ITGA6: variants seen among roughly 807,000 people sequenced by gnomAD.
ITGA6 encodes integrin subunit alpha 6, also known as integrin alpha-6.
Under a neutral mutation model 133.6 loss-of-function variants are expected in ITGA6, and 63 were observed. The ratio of observed to expected loss-of-function variants is 0.47; its 90% CI spans 0.38 to 0.58. The LOEUF is 0.58. ITGA6 is among the 20% of genes least tolerant of loss of function. The pLI is 0.00. For missense variants in ITGA6, 1,068 were observed against 1,309.4 expected, an observed-to-expected ratio of 0.82 and a Z score of 2.85; for synonymous variants, 434 against 482.0, an observed-to-expected ratio of 0.90 and a Z score of 1.30.
chr2:172,476,439 A>C lies in ITGA6; in HGVS notation c.1314A>C (p.Gly438=), dbSNP rs1281771098. 8.7e-6 allele frequency: 14 copies of C among 1,612,992 alleles called. No homozygotes were observed. Among genetic ancestry groups the C allele is most frequent in the Non-Finnish European group, 1.2e-5 (14 of 1,179,066 alleles). ...CTTATTTTGGATATTCAATTGCTGGAAACATGGACCTTGATCGAAATTCCT... is the reference window on the plus strand; with the variant it reads ...CTTATTTTGGATATTCAATTGCTGGCAACATGGACCTTGATCGAAATTCCT... ...ISPYFGYSIA[G]NMDLDRNSYP... Residue 438 remains glycine (G), a synonymous_variant, in exon 9 of 26, where the codon GGA becomes GGC. Coordinates refer to ENST00000684293, the MANE Select transcript of ITGA6 (RefSeq NM_000210.4).
chr2:172,429,262 A>G lies in ITGA6; in HGVS notation c.182+1292A>G, dbSNP rs1224602068. Among the ~76,000 whole-genome samples the G allele has an allele frequency of 2.0e-5, 3 of 152,094 alleles. No homozygotes were observed. In the East Asian group the frequency reaches 5.8e-4, roughly 30 times the overall value. On this transcript the variant is annotated intron_variant, in intron 1 of 25. Transcript: ENST00000684293. ...GGCTCTAGGAGGGTGGTCTGAGGCT[A>G]TATGCCTGGCCAGCTGCTTATACTC...
chr2:172,493,836 G>A (rs1486989956), intron 23 of ITGA6, among the ~76,000 whole-genome samples: 1 of 152,192 alleles, frequency 6.6e-6, no homozygotes. Flanking sequence ...GAAGATGATG[G>A]AACTCTGGGG....
intron 1 of ITGA6, among the ~76,000 whole-genome samples, chr2:172,446,922 G>T (rs1298437454): frequency 6.6e-6 from 1 of 152,152 alleles, no homozygotes; most frequent in Non-Finnish European, 1.5e-5. Flanking sequence ...TTTTGAGACA[G>T]AGTCTCACTC....
chr2:172,488,626 A>G (rs953597661), intron 19 of ITGA6, among the ~76,000 whole-genome samples: 5 of 152,216 alleles, frequency 3.3e-5, no homozygotes. Flanking sequence ...ATTTCAAAGT[A>G]GGCAATCACA....
intron 24 of ITGA6, among the ~76,000 whole-genome samples, chr2:172,500,930 A>C (rs1272134307): frequency 9.2e-5 from 14 of 152,212 alleles, no homozygotes. Context: ...GTACAAAGTG[A>C]ATCTAGGCTT....
At chr2:172,496,102 A>G (rs1045632638) in intron 23 of ITGA6, among the ~76,000 whole-genome samples, 1 of 152,194 alleles carries the variant, frequency 6.6e-6, no homozygotes, top group Non-Finnish European at 1.5e-5. Context: ...GAAATCATCT[A>G]TTTGGTTTGT....
At position 172,470,106 on chromosome 2, in the gene ITGA6, A is replaced by G. The variant is rs187565619; in HGVS notation, c.643+726A>G. 9.8e-5 allele frequency among the ~76,000 whole-genome samples: 15 copies of G among 152,336 alleles called. No individual in the cohort carries two copies. The East Asian group carries it at 2.7e-3, about 27-fold the overall frequency. On this transcript the variant is annotated intron_variant, in intron 4 of 25. Transcript: ENST00000684293. ...AGCCATTTTTGAGAAATGTATTAAT[A>G]ATAAGTCACATAACACTTTCACTCA...
chr2:172,506,000 G>A lies in ITGA6; in HGVS notation c.*1932G>A, dbSNP rs942029611. On this transcript the variant is annotated 3_prime_UTR_variant, in exon 26 of 26. Coordinates refer to ENST00000684293, the MANE Select transcript of ITGA6 (RefSeq NM_000210.4). ...ATGTCCTGAAAAGGGTGTTGGGAGG[G>A]TGGTTCAACAAAGAAACAAAGATGT... 3.9e-5 allele frequency: 6 copies of A among 152,324 alleles called. No homozygotes were observed. The highest frequency in any genetic ancestry group is 3.9e-4 in the Admixed American group (6 of 15,274). 9.4% of individuals were successfully genotyped at this position (152,324 alleles called of 1,614,324 possible). A position where few individuals can be genotyped will look rare whatever the true frequency, so the allele number is the denominator to read the frequency against.
intron 10 of ITGA6, 40 bp downstream of exon 10, chr2:172,479,779 C>T (rs750587542): frequency 6.5e-7 from 1 of 1,531,274 alleles, no homozygotes; most frequent in South Asian, 1.1e-5. Context: ...CCCTCAGTTT[C>T]CCACCTCCAC....
chr2:172,487,560 G>A lies in ITGA6; in HGVS notation c.2174G>A (p.Ser725Asn), dbSNP rs1419881953. Residue 725 changes from serine to asparagine, a missense_variant, in exon 16 of 26, where the codon AGT (serine) becomes AAT (asparagine). Ser to Asn is a conservative substitution (Grantham distance 46, BLOSUM62 1). Transcript: ENST00000684293. ...ELRAFPEKQL[S>N]CVANQNGSQA... ...TTTCTTTTACAGGAGAAACAGTTGA[G>A]TTGTGTTGCCAACCAGAATGGCTCG... 8 of 1,614,040 alleles carry A rather than the reference G, an allele frequency of 5.0e-6. No individual in the cohort carries two copies. The South Asian group carries it at 8.8e-5, about 18-fold the overall frequency.
chr2:172,428,537 A>G (rs1683968483), intron 1 of ITGA6: 1 of 117,858 alleles, frequency 8.5e-6, no homozygotes, highest in South Asian at 2.9e-4. Flanking sequence ...ATACTTTTAC[A>G]TGCCTTTGAA....
At chr2:172,437,603 G>C (rs988808517) in intron 1 of ITGA6, among the ~76,000 whole-genome samples, 7 of 152,186 alleles carry the variant, frequency 4.6e-5, no homozygotes, top group Non-Finnish European at 1.0e-4. Flanking sequence ...AGACAGCCAA[G>C]TGAGTTATTT....
intron 1 of ITGA6, among the ~76,000 whole-genome samples, chr2:172,449,472 CAGA>C (rs1482685245): frequency 6.6e-6 from 1 of 152,148 alleles, no homozygotes; most frequent in Non-Finnish European, 1.5e-5. Flanking sequence ...ATTCAGGGAA[CAGA>C]AGAAGAGTCC....
intron 1 of ITGA6, among the ~76,000 whole-genome samples, chr2:172,456,596 C>A (rs1685218232): frequency 6.6e-6 from 1 of 152,162 alleles, no homozygotes. Context: ...AAGCGTTAAC[C>A]ATTCCATTGG....
At chr2:172,503,049 A>C (rs1687409510) in intron 25 of ITGA6, among the ~76,000 whole-genome samples, 1 of 151,968 alleles carries the variant, frequency 6.6e-6, no homozygotes, top group Non-Finnish European at 1.5e-5. Context: ...CTATTGATTT[A>C]GTGATAACTA....
intron 1 of ITGA6, chr2:172,464,225 C>T (rs1375847607): frequency 6.6e-6 from 1 of 152,284 alleles, no homozygotes; most frequent in Admixed American, 6.5e-5. Flanking sequence ...GTGGCACCTG[C>T]TGCATGATAT....
intron 1 of ITGA6, among the ~76,000 whole-genome samples, chr2:172,445,465 C>T (rs866278556): frequency 7.4e-5 from 11 of 149,584 alleles, no homozygotes; most frequent in Middle Eastern, 3.4e-3. Flanking sequence ...CTGGCTAACA[C>T]GGTGAAACCC....
At position 172,488,199 on chromosome 2, in the gene ITGA6, G is replaced by A. The variant is rs1389794767; in HGVS notation, c.2476G>A (p.Val826Met). ...GCAAGCTATGAAATCTGAAGATGAA[G>A]TGGGAAGTTTAATAGAGTATGAATT... The part of the protein sequence containing the change: ...GEQAMKSEDE[V>M]GSLIEYEFRV... Residue 826 changes from valine (V) to methionine (M), a missense_variant, in exon 19 of 26, where the codon GTG (valine) becomes ATG (methionine). Transcript: ENST00000684293. 28 of 1,613,740 alleles carry A rather than the reference G, an allele frequency of 1.7e-5. 1 individual carries two copies. Among genetic ancestry groups the A allele is most frequent in the Non-Finnish European group, 2.3e-5 (27 of 1,179,784 alleles).
At chr2:172,488,421 C>T (rs546771885) in intron 19 of ITGA6, among the ~76,000 whole-genome samples, 193 bp downstream of exon 19, 2 of 152,302 alleles carry the variant, frequency 1.3e-5, no homozygotes, top group South Asian at 4.1e-4. Context: ...GGATGGAGAA[C>T]AATTGTCACT....
Sources: allele counts gnomAD v4.1 joint callset (sites outside exome capture counted in the v4.1 genomes callset), GRCh38; gene constraint gnomAD v4.1.1; transcripts MANE v1.5; gene names NCBI Gene and HGNC (gene_info 2026-07-23, HGNC 2026-07-21).